The following DHRS7C variants were observed in gnomAD, a reference collection of about 807,000 sequenced individuals.
DHRS7C encodes dehydrogenase/reductase 7C, also known as dehydrogenase/reductase SDR family member 7C.
In DHRS7C, 28 loss-of-function variants were observed where a neutral mutation model predicts 29.6. The ratio of observed to expected loss-of-function variants is 0.95; its 90% CI spans 0.70 to 1.30. The LOEUF is 1.30. DHRS7C is among the 50% of genes most tolerant of loss of function. DHRS7C has a pLI of 0.00. For missense variants in DHRS7C, 403 were observed against 393.3 expected, an observed-to-expected ratio of 1.02 and a Z score of -0.21; for synonymous variants, 158 against 160.2, an observed-to-expected ratio of 0.99 and a Z score of 0.10.
chr17:9,789,467 G>C (rs1318413277), intron 1 of DHRS7C, among the ~76,000 whole-genome samples: 1 of 152,178 alleles, frequency 6.6e-6, no homozygotes, highest in Non-Finnish European at 1.5e-5. Flanking sequence ...TGAGCTAGGT[G>C]CTGAGGCTGC....
rs180815318 is a variant in DHRS7C at position 9,783,377 on chromosome 17, T to A, written c.155-1783A>T. 3.6e-4 allele frequency among the ~76,000 whole-genome samples: 55 copies of A among 152,310 alleles called. No individual in the cohort carries two copies. The East Asian group carries it at 0.011, about 29-fold the overall frequency. Reference sequence around the variant, plus strand: ...AATTCAATAAAGATGTCAATTTGTCTCCAAGTTAAATTGATCCAGTAAATC... The same window carrying A: ...AATTCAATAAAGATGTCAATTTGTCACCAAGTTAAATTGATCCAGTAAATC... On this transcript the variant is annotated intron_variant, in intron 1 of 5. Transcript: ENST00000571134.
chr17:9,787,693 A>C (rs1331541720), intron 1 of DHRS7C, among the ~76,000 whole-genome samples: 2 of 152,172 alleles, frequency 1.3e-5, no homozygotes, highest in Non-Finnish European at 2.9e-5. Context: ...CAGAGATAAT[A>C]AATGACTTTT....
Position 9,771,529 on chromosome 17 carries a change from A to C in DHRS7C, c.895T>G (p.Cys299Gly), listed in dbSNP as rs1332071820. ...ACATTGAGCTTCTCCTTCACCCCAC[A>C]GGCCACCACGGCGAAAAAGAACTCC... ...FPEFFFAVVA[C>G]GVKEKLNVPE... Residue 299 changes from cysteine (C) to glycine (G), a missense_variant, in exon 6 of 6, where the codon TGT (cysteine) becomes GGT (glycine). Physicochemically the swap from Cys to Gly is radical, Grantham distance 159 (BLOSUM62 -3). Coordinates refer to ENST00000571134, the MANE Select transcript of DHRS7C (RefSeq NM_001105571.3). The C allele has an allele frequency of 2.5e-6, 4 of 1,577,996 alleles. No individual in the cohort carries two copies. Among genetic ancestry groups the C allele is most frequent in the Middle Eastern group, 1.7e-4 (1 of 5,922 alleles).
chr17:9,777,273 T>C lies in DHRS7C; in HGVS notation c.491A>G (p.Asn164Ser). The part of the protein sequence containing the change: ...PITLTKALLP[N>S]MISRRTGQIV... Reference sequence around the variant, plus strand: ...TTGGCCTGTTCTCCGGGAGATCATGTTGGGAAGCAGGGCTGGAAAACACAG... The same window carrying C: ...TTGGCCTGTTCTCCGGGAGATCATGCTGGGAAGCAGGGCTGGAAAACACAG... Residue 164 changes from asparagine to serine, a missense_variant, in exon 4 of 6, where the codon AAC becomes AGC. Physicochemically the swap from Asn to Ser is conservative, Grantham distance 46 (BLOSUM62 1). Transcript: ENST00000571134. 1 of 1,613,592 alleles carries C rather than the reference T, an allele frequency of 6.2e-7. No individual in the cohort carries two copies. Among genetic ancestry groups the C allele is most frequent in the Non-Finnish European group, 8.5e-7 (1 of 1,179,746 alleles).
chr17:9,771,878 G>A (rs1329151409), intron 5 of DHRS7C, among the ~76,000 whole-genome samples, 182 bp from the exon 6 acceptor site: 2 of 152,246 alleles, frequency 1.3e-5, no homozygotes, highest in Admixed American at 6.5e-5. Context: ...CACTCTCTGC[G>A]CTTCCTTCTG....
intron 1 of DHRS7C, among the ~76,000 whole-genome samples, chr17:9,786,353 AATAATAATAATAATT>A (rs1176160324): frequency 4.9e-5 from 7 of 143,690 alleles, no homozygotes; most frequent in Non-Finnish European, 6.2e-5. Context: ...TAATAATAAT[AATAATAATAATAATT>A]AATCAGAAAA....
intron 5 of DHRS7C, 30 bp from the exon 6 acceptor site, chr17:9,771,726 A>C: frequency 2.1e-6 from 3 of 1,406,790 alleles, no homozygotes; most frequent in African/African-American, 1.5e-5. Flanking sequence ...GGCGGGGGTT[A>C]TGACCTCCGT....
At chr17:9,779,773 T>C in intron 3 of DHRS7C, 52 bp downstream of exon 3, 1 of 1,550,096 alleles carries the variant, frequency 6.5e-7, no homozygotes, top group Non-Finnish European at 8.8e-7. Context: ...AACAGAGGCC[T>C]CTGTAGAATC....
chr17:9,779,983 G>A lies in DHRS7C; in HGVS notation c.320C>T (p.Pro107Leu). 3.1e-6 allele frequency: 5 copies of A among 1,613,878 alleles called. No homozygotes were observed. The highest frequency in any genetic ancestry group is 4.2e-6 in the Non-Finnish European group (5 of 1,179,872). The change falls in exon 3 of 6, where the codon CCA becomes CTA. Residue 107 changes from proline (P) to leucine (L), a missense_variant. Pro to Leu is a moderately conservative substitution (Grantham distance 98, BLOSUM62 -3). Transcript: ENST00000571134. ...LLDLSDISCVPDVAKEVLDCY... is the reference protein window; with the variant it reads ...LLDLSDISCVLDVAKEVLDCY... ...ATCCAGGACTTCTTTTGCCACATCTGGGACACAGCTGATGTCTGAGAGGTC... is the reference window on the plus strand; with the variant it reads ...ATCCAGGACTTCTTTTGCCACATCTAGGACACAGCTGATGTCTGAGAGGTC...
chr17:9,772,628 TG>T, intron 5 of DHRS7C, 138 bp downstream of exon 5: 1 of 1,153,648 alleles, frequency 8.7e-7, no homozygotes, highest in Non-Finnish European at 1.2e-6. Context: ...GCCCTGCTGT[TG>T]GGGGTTGCTG....
rs753108299 is a variant in DHRS7C at position 9,791,298 on chromosome 17, A to G, written c.-14T>C. ...CATGACTCCCATCTTGTTCTGGGGG[A>G]CAACGGAGTAAAAGGGGATTGGCTT... is the stretch of plus-strand genomic sequence containing the variant. On this transcript the variant is annotated 5_prime_UTR_variant, in exon 1 of 6. Coordinates refer to ENST00000571134, the MANE Select transcript of DHRS7C (RefSeq NM_001105571.3). The G allele has an allele frequency of 6.2e-7, 1 of 1,612,926 alleles. No individual in the cohort carries two copies. Among genetic ancestry groups the G allele is most frequent in the African/African-American group, 1.3e-5 (1 of 75,012 alleles).
In DHRS7C at chr17:9,781,168, A is replaced by G. The variant is rs189498683; in HGVS notation, c.267+314T>C. 3.9e-5 allele frequency among the ~76,000 whole-genome samples: 6 copies of G among 152,228 alleles called. No individual in the cohort carries two copies. In the East Asian group the frequency reaches 1.2e-3, roughly 29 times the overall value. ...TATCAGTTCAGGTATTTAAAAAAAAATGACTGTGTTTGTAATCACAGTCCA... is the reference window on the plus strand; with the variant it reads ...TATCAGTTCAGGTATTTAAAAAAAAGTGACTGTGTTTGTAATCACAGTCCA... On this transcript the variant is annotated intron_variant, in intron 2 of 5. Transcript: ENST00000571134.
intron 4 of DHRS7C, among the ~76,000 whole-genome samples, chr17:9,773,479 C>G (rs1442340572): frequency 6.6e-6 from 1 of 152,134 alleles, no homozygotes; most frequent in Non-Finnish European, 1.5e-5. Context: ...AAAAAAGGAT[C>G]ATTCCAGGAG....
At position 9,775,951 on chromosome 17, in the gene DHRS7C, C is replaced by T. The variant is rs2066359980; in HGVS notation, c.571+1242G>A. Among the ~76,000 whole-genome samples, 1 of 152,180 alleles carries T rather than the reference C, an allele frequency of 6.6e-6. No homozygotes were observed. Among genetic ancestry groups the T allele is most frequent in the African/African-American group, 2.4e-5 (1 of 41,442 alleles). ...GCATGGTGGCTCACGCCTGTAATCC[C>T]AGCACTTTGGGAGGTCAAGGCGGGT... On this transcript the variant is annotated intron_variant, in intron 4 of 5. Coordinates refer to ENST00000571134, the MANE Select transcript of DHRS7C (RefSeq NM_001105571.3). This position sits in a 1 kb window ranked among gnomAD's most constrained non-coding sequence, Gnocchi z 4.2.
At chr17:9,789,022 G>GC (rs1222428228) in intron 1 of DHRS7C, among the ~76,000 whole-genome samples, 1 of 152,138 alleles carries the variant, frequency 6.6e-6, no homozygotes, top group East Asian at 1.9e-4. Context: ...TGCCTGATTT[G>GC]ATCACGTGTG....
chr17:9,787,165 C>T (rs554354269), intron 1 of DHRS7C, among the ~76,000 whole-genome samples: 36 of 152,272 alleles, frequency 2.4e-4, no homozygotes, highest in African/African-American at 3.9e-4. Context: ...AGGGTAGTCT[C>T]GTACTCCTGA....
intron 1 of DHRS7C, 29 bp from the exon 2 acceptor site, chr17:9,781,623 C>A (rs1310427966): frequency 6.2e-7 from 1 of 1,607,276 alleles, no homozygotes; most frequent in African/African-American, 1.3e-5. Context: ...CAGGGCAGGG[C>A]ACACTGTGTG....
rs918555418 is a variant in DHRS7C at position 9,791,485 on chromosome 17, A to G, written c.-201T>C. Among the ~76,000 whole-genome samples, 1 of 152,380 alleles carries G rather than the reference A, an allele frequency of 6.6e-6. No individual in the cohort carries two copies. Among genetic ancestry groups the G allele is most frequent in the Middle Eastern group, 3.4e-3 (1 of 294 alleles). ...TCACAGTGTCTCCGAAAGCAGACCG[A>G]ATCCAGGGGGCCTGCCCTCCCCAGT... is the stretch of plus-strand genomic sequence containing the variant. On this transcript the variant is annotated 5_prime_UTR_variant, in exon 1 of 6. Coordinates refer to ENST00000571134, the MANE Select transcript of DHRS7C (RefSeq NM_001105571.3).
At chr17:9,790,949 A>G (rs1254235687) in intron 1 of DHRS7C, among the ~76,000 whole-genome samples, 182 bp downstream of exon 1, 1 of 152,220 alleles carries the variant, frequency 6.6e-6, no homozygotes, top group Non-Finnish European at 1.5e-5. Context: ...TTTATCAGGA[A>G]TCTGCAGCCT....
Sources: gnomAD v4.1 joint callset for allele counts (sites outside exome capture counted in the v4.1 genomes callset) on GRCh38, gnomAD v4.1.1 for gene constraint, Gnocchi (gnomAD v3.1) non-coding constraint, MANE v1.5 for transcripts, NCBI Gene and HGNC (gene_info 2026-07-23, HGNC 2026-07-21) for gene names.